The following PPFIA4 variants were observed in gnomAD, a reference collection of about 807,000 sequenced individuals.
PPFIA4 encodes the protein liprin-alpha-4.
In PPFIA4, 98 loss-of-function variants were observed where a neutral mutation model predicts 145.7. The observed-to-expected ratio is 0.67, with a 90% CI of 0.57 to 0.80. PPFIA4 has a LOEUF of 0.80. Among genes scored for constraint, PPFIA4 ranks in the 30% least tolerant of loss-of-function variants. The probability of loss-of-function intolerance (pLI) is 0.00; values close to 1 mark genes in which losing one functional copy is unlikely to be tolerated. For missense variants in PPFIA4, 1,457 were observed against 1,632.7 expected, an observed-to-expected ratio of 0.89 and a Z score of 1.85; for synonymous variants, 628 against 649.6, an observed-to-expected ratio of 0.97 and a Z score of 0.51.
In PPFIA4 at chr1:203,075,530, G is replaced by C. The variant is rs753667563; in HGVS notation, c.3394-47G>C. The C allele has an allele frequency of 5.4e-4, 732 of 1,351,456 alleles. 2 individuals are homozygous for C. The highest frequency in any genetic ancestry group is 6.5e-4 in the Non-Finnish European group (682 of 1,045,240). 83.7% of individuals were successfully genotyped at this position (1,351,456 alleles called of 1,614,324 possible). The stretch of plus-strand genomic sequence containing the variant: ...CCCCTCCAGGCAGGGCGTGAGGATG[G>C]CAATTCCAACAGGGCCCTCGGGCCT... On this transcript the variant is annotated intron_variant, in intron 28 of 29. Coordinates refer to ENST00000295706, the MANE Select transcript of PPFIA4 (RefSeq NM_001304331.2). The surrounding 1 kb of genome is among the most constrained non-coding windows in gnomAD (Gnocchi z 4.1).
Position 203,043,577 on chromosome 1 carries a change from C to A in PPFIA4, c.336+79C>A, listed in dbSNP as rs7547566. ...GGGGGTGTGTTGTGAACACCTTGAC[C>A]AAGAGAGCAGGCAAGAGTGGGGCCA... On this transcript the variant is annotated intron_variant, in intron 3 of 29. Coordinates refer to ENST00000295706, the MANE Select transcript of PPFIA4 (RefSeq NM_001304331.2). This position sits in a 1 kb window ranked among gnomAD's most constrained non-coding sequence, Gnocchi z 4.4. The A allele has an allele frequency of 2.3e-6, 3 of 1,315,018 alleles. No homozygotes were observed. Among genetic ancestry groups the A allele is most frequent in the Non-Finnish European group, 3.2e-6 (3 of 935,172 alleles). 81.5% of individuals were successfully genotyped at this position (1,315,018 alleles called of 1,614,324 possible).
chr1:203,043,616 C>T lies in PPFIA4; in HGVS notation c.336+118C>T. The T allele has an allele frequency of 1.1e-5, 10 of 937,468 alleles. No individual in the cohort carries two copies. The highest frequency in any genetic ancestry group is 1.6e-5 in the Non-Finnish European group (10 of 607,366). The allele number at this position is 937,468 out of a possible 1,614,324, so 58.1% of individuals were successfully genotyped here. A position where few individuals can be genotyped will look rare whatever the true frequency, so the allele number is the denominator to read the frequency against. On this transcript the variant is annotated intron_variant, in intron 3 of 29. Transcript: ENST00000295706. The surrounding 1 kb of genome is among the most constrained non-coding windows in gnomAD (Gnocchi z 4.4). ...AGAGTGGGGCCAGGCACAGTCCTAG[C>T]TCAAGCCCCATCCTTCCCTCTTCCT...
intron 21 of PPFIA4, 61 bp downstream of exon 21, chr1:203,059,912 A>G: frequency 7.4e-7 from 1 of 1,360,392 alleles, no homozygotes; most frequent in Non-Finnish European, 1.0e-6. Flanking sequence ...TGGGGTGGGC[A>G]GAGGGGTGGT....
chr1:203,068,493 C>G lies in PPFIA4; in HGVS notation c.3189C>G (p.Val1063=). 1 of 1,608,748 alleles carries G rather than the reference C, an allele frequency of 6.2e-7. No homozygotes were observed. The highest frequency in any genetic ancestry group is 8.5e-7 in the Non-Finnish European group (1 of 1,177,698). Residue 1063 remains valine, a synonymous_variant, in exon 27 of 30, where the codon GTC becomes GTG. Transcript: ENST00000295706. The surrounding 1 kb of genome is among the most constrained non-coding windows in gnomAD (Gnocchi z 4.7). The stretch of plus-strand genomic sequence containing the variant: ...CCAACGACCAGGTGGTTCATTGGGT[C>G]CAGTCTATTGGGCTCCGGGACTACG... The part of the protein sequence containing the change: ...VWTNDQVVHW[V]QSIGLRDYAG...
intron 8 of PPFIA4, 87 bp downstream of exon 8, chr1:203,046,074 CCTGG>C: frequency 6.3e-7 from 1 of 1,584,864 alleles, no homozygotes; most frequent in Non-Finnish European, 8.6e-7. Flanking sequence ...CTGAGGAGCC[CCTGG>C]GGTCCTGCAG....
intron 28 of PPFIA4, among the ~76,000 whole-genome samples, chr1:203,072,940 A>G (rs562700820): frequency 1.4e-5 from 2 of 138,106 alleles, no homozygotes; most frequent in Non-Finnish European, 3.0e-5. Context: ...TGTTTTCCCA[A>G]TGCCCCTGTG....
At chr1:203,051,326 A>T (rs138315843) in intron 13 of PPFIA4, 1 of 988,212 alleles carries the variant, frequency 1.0e-6, no homozygotes. Context: ...GAAGACCAAA[A>T]AACAAAGACC....
At chr1:203,059,146 G>T (rs1430720380) in intron 19 of PPFIA4, 32 bp from the exon 20 acceptor site, 5 of 1,452,594 alleles carry the variant, frequency 3.4e-6, no homozygotes, top group Admixed American at 3.9e-5. Flanking sequence ...AGGCAGAGGG[G>T]CTGGCTGACA....
intron 1 of PPFIA4, chr1:203,035,267 A>C (rs1337217441): frequency 2.0e-5 from 9 of 456,510 alleles, no homozygotes; most frequent in Non-Finnish European, 4.0e-5. Flanking sequence ...TGGTCTCCGC[A>C]GGGGCTGGCA....
intron 1 of PPFIA4, chr1:203,037,327 G>C (rs146327421): frequency 6.8e-4 from 111 of 162,984 alleles, no homozygotes; most frequent in African/African-American, 2.5e-3. Flanking sequence ...GACCCTCCTA[G>C]TCTGCCTGTT....
chr1:203,051,901 C>T (rs746054029), intron 14 of PPFIA4, 24 bp downstream of exon 14: 1 of 1,608,914 alleles, frequency 6.2e-7, no homozygotes. Flanking sequence ...GGGATCTCCT[C>T]AGGGAGTTTG....
chr1:203,072,844 T>C (rs530858009), intron 28 of PPFIA4, among the ~76,000 whole-genome samples: 5 of 151,810 alleles, frequency 3.3e-5, no homozygotes, highest in Non-Finnish European at 4.4e-5. Context: ...ATATATGTAT[T>C]TTTTTTGGTT....
chr1:203,071,608 C>G, intron 27 of PPFIA4, 84 bp from the exon 28 acceptor site: 1 of 1,117,036 alleles, frequency 9.0e-7, no homozygotes, highest in Non-Finnish European at 1.3e-6. Context: ...TGACCTTGGA[C>G]CCTTGGAAAA....
At position 203,075,120 on chromosome 1, in the gene PPFIA4, C is replaced by T. The variant is rs1390755642; in HGVS notation, c.3394-457C>T. Among the ~76,000 whole-genome samples, 1 of 152,102 alleles carries T rather than the reference C, an allele frequency of 6.6e-6. No homozygotes were observed. The highest frequency in any genetic ancestry group is 2.4e-5 in the African/African-American group (1 of 41,392). On this transcript the variant is annotated intron_variant, in intron 28 of 29. Transcript: ENST00000295706. The surrounding 1 kb of genome is among the most constrained non-coding windows in gnomAD (Gnocchi z 4.1). ...TAGAAGCCAGGTGTCTGACTCCCGC[C>T]CGACATAGTACTCTTCTGGTATACT...
rs942732140 is a variant in PPFIA4 at position 203,068,400 on chromosome 1, C to G, written c.3149-53C>G. On this transcript the variant is annotated intron_variant, in intron 26 of 29. Transcript: ENST00000295706. The surrounding 1 kb of genome is among the most constrained non-coding windows in gnomAD (Gnocchi z 4.7). ...AGCTCTGCTTCTGTCCTTGGAGGGC[C>G]CTTGATGAAACGTAGTATCTCCTTC... 3 of 1,484,254 alleles carry G rather than the reference C, an allele frequency of 2.0e-6. No individual in the cohort carries two copies. The highest frequency in any genetic ancestry group is 2.7e-6 in the Non-Finnish European group (3 of 1,093,506). The allele number at this position is 1,484,254 out of a possible 1,614,324, so 91.9% of individuals were successfully genotyped here.
intron 24 of PPFIA4, 87 bp downstream of exon 24, chr1:203,061,765 T>G: frequency 7.3e-7 from 1 of 1,375,386 alleles, no homozygotes; most frequent in Non-Finnish European, 9.9e-7. Context: ...CAGGAATCTC[T>G]GAGTCCTTCA....
At chr1:203,031,012 T>TA (rs1209837226) in intron 1 of PPFIA4, among the ~76,000 whole-genome samples, 1 of 152,232 alleles carries the variant, frequency 6.6e-6, no homozygotes. Flanking sequence ...ATGCCATTCT[T>TA]ATGACCATAC....
chr1:203,051,178 A>C, intron 13 of PPFIA4: 1 of 985,412 alleles, frequency 1.0e-6, no homozygotes, highest in Non-Finnish European at 1.2e-6. Context: ...CTCTTGGGGC[A>C]AAGTATTTTC....
At position 203,060,349 on chromosome 1, in the gene PPFIA4, A is replaced by G; in HGVS notation, c.2716A>G (p.Lys906Glu). 1 of 1,613,994 alleles carries G rather than the reference A, an allele frequency of 6.2e-7. No individual in the cohort carries two copies. The highest frequency in any genetic ancestry group is 8.5e-7 in the Non-Finnish European group (1 of 1,179,908). Residue 906 changes from lysine (K) to glutamate (E), a missense_variant, in exon 22 of 30, where the codon AAG becomes GAG. Physicochemically the swap from Lys to Glu is moderately conservative, Grantham distance 56. Coordinates refer to ENST00000295706, the MANE Select transcript of PPFIA4 (RefSeq NM_001304331.2). The surrounding 1 kb of genome is among the most constrained non-coding windows in gnomAD (Gnocchi z 4.8). ...CATCAGCAATGCCCTGCACCGGCTC[A>G]AGCTCCGCCTGGCCATTCAGGAGAT... ...IGISNALHRL[K>E]LRLAIQEMVS...
Sources: allele counts gnomAD v4.1 joint callset (sites outside exome capture counted in the v4.1 genomes callset), GRCh38; gene constraint gnomAD v4.1.1; non-coding constraint Gnocchi (gnomAD v3.1); transcripts MANE v1.5; gene names NCBI Gene and HGNC (gene_info 2026-07-23, HGNC 2026-07-21).